SLC36A1: variants seen among roughly 807,000 people sequenced by gnomAD.
The protein encoded by SLC36A1 is proton-coupled amino acid transporter 1.
Under a neutral mutation model 47.5 loss-of-function variants are expected in SLC36A1, and 30 were observed. That is an observed-to-expected ratio of 0.63 (90% confidence interval 0.47 to 0.86). The LOEUF is 0.86. SLC36A1 is among the 40% of genes least tolerant of loss of function. The probability of loss-of-function intolerance (pLI) is 0.00; values close to 1 mark genes in which losing one functional copy is unlikely to be tolerated. For synonymous variants in SLC36A1, 255 were observed against 249.7 expected (o/e 1.02, Z -0.20); for missense variants, 517 against 606.0 (o/e 0.85, Z 1.54).
chr5:151,488,263 G>T lies in SLC36A1; in HGVS notation c.*9G>T. The T allele has an allele frequency of 5.0e-6, 8 of 1,612,888 alleles. No homozygotes were observed. Among genetic ancestry groups the T allele is most frequent in the Non-Finnish European group, 6.8e-6 (8 of 1,179,206 alleles). ...CCTGTGCCTTCATATAGGGATCTGG[G>T]TTCGTCTCTGCAGCTGCCTACCCCT... On this transcript the variant is annotated 3_prime_UTR_variant, in exon 11 of 11. Coordinates refer to ENST00000243389, the MANE Select transcript of SLC36A1 (RefSeq NM_078483.4).
At chr5:151,512,781 AT>A in the SLC36A1 span, 1 of 629,406 alleles carries the variant, frequency 1.6e-6, no homozygotes, top group Non-Finnish European at 2.8e-6. The surrounding 1 kb of genome is among the most constrained non-coding windows in gnomAD (Gnocchi z 4.1). Flanking sequence ...TTTTGTGTTG[AT>A]GGTCTCCTTT....
chr5:151,474,178 A>AAAAAAAAAAAAAAAAAAGAGAG (rs776318482), intron 8 of SLC36A1, among the ~76,000 whole-genome samples: 1 of 119,008 alleles, frequency 8.4e-6, no homozygotes, highest in African/African-American at 4.5e-5. Context: ...AAAAAAAAAA[A>AAAAAAAAAAAAAAAAAAGAGAG]AGAAATTATC....
chr5:151,517,611 G>A, the SLC36A1 span: 1 of 1,613,794 alleles, frequency 6.2e-7, no homozygotes, highest in Non-Finnish European at 8.5e-7. Flanking sequence ...CAGGCTGGCA[G>A]TGCCTTACCT....
At chr5:151,510,237 T>C in the SLC36A1 span, 1 of 1,566,286 alleles carries the variant, frequency 6.4e-7, no homozygotes, top group South Asian at 1.1e-5. Flanking sequence ...AGACCTGGCA[T>C]TGGCAGACTG....
chr5:151,480,465 G>C (rs551188146), intron 10 of SLC36A1, among the ~76,000 whole-genome samples: 5 of 152,248 alleles, frequency 3.3e-5, no homozygotes, highest in African/African-American at 9.6e-5. Context: ...TGAAAGATGG[G>C]AAAGTTGTCT....
chr5:151,457,492 T>C (rs1468392979), intron 1 of SLC36A1, among the ~76,000 whole-genome samples: 1 of 152,084 alleles, frequency 6.6e-6, no homozygotes. Context: ...TCCCAACACA[T>C]TGAAAGGACA....
At chr5:151,512,505 G>T in the SLC36A1 span, 1 of 1,614,176 alleles carries the variant, frequency 6.2e-7, no homozygotes, top group South Asian at 1.1e-5. The surrounding 1 kb of genome is among the most constrained non-coding windows in gnomAD (Gnocchi z 4.1). Context: ...CCTCCACCAG[G>T]ATGGAGTGCC....
chr5:151,539,035 C>A, the SLC36A1 span, among the ~76,000 whole-genome samples: 1 of 151,954 alleles, frequency 6.6e-6, no homozygotes, highest in Admixed American at 6.6e-5. Context: ...ATGCTGTGAA[C>A]CATCTCCGGG....
At chr5:151,517,207 TA>T in the SLC36A1 span, among the ~76,000 whole-genome samples, 2 of 152,044 alleles carry the variant, frequency 1.3e-5, no homozygotes, top group Admixed American at 6.5e-5. Context: ...ATAATCCAAA[TA>T]ACTGAATGAT....
the SLC36A1 span, chr5:151,412,398 C>T: frequency 1.4e-5 from 2 of 144,392 alleles, 1 homozygote; most frequent in South Asian, 5.2e-4. Flanking sequence ...GGAAAATATA[C>T]AACAACCTGA....
At chr5:151,554,486 C>A in the SLC36A1 span, 16 of 1,614,212 alleles carry the variant, frequency 9.9e-6, no homozygotes, top group Non-Finnish European at 1.4e-5. Flanking sequence ...GCCATTAAGA[C>A]CCTCATCCAG....
chr5:151,426,745 G>A, the SLC36A1 span, among the ~76,000 whole-genome samples: 1 of 152,146 alleles, frequency 6.6e-6, no homozygotes, highest in Non-Finnish European at 1.5e-5. Context: ...GGGATGGTCA[G>A]GTCTTTCCCT....
At chr5:151,449,573 CAG>C (rs1163380073) in intron 1 of SLC36A1, among the ~76,000 whole-genome samples, 1 of 152,132 alleles carries the variant, frequency 6.6e-6, no homozygotes, top group African/African-American at 2.4e-5. Context: ...TCGAAGTGCT[CAG>C]AGTTTTCTCT....
At chr5:151,364,311 T>TA in the SLC36A1 span, among the ~76,000 whole-genome samples, 2 of 152,244 alleles carry the variant, frequency 1.3e-5, no homozygotes, top group African/African-American at 4.8e-5. Context: ...ATATTTATTT[T>TA]AAAAAATCCA....
intron 10 of SLC36A1, among the ~76,000 whole-genome samples, chr5:151,483,295 C>T (rs1442322117): frequency 6.6e-6 from 1 of 152,166 alleles, no homozygotes; most frequent in East Asian, 1.9e-4. Flanking sequence ...CCTTATGTTG[C>T]TTCAGCAGTT....
chr5:151,374,086 G>A, the SLC36A1 span, among the ~76,000 whole-genome samples: 66 of 152,284 alleles, frequency 4.3e-4, no homozygotes, highest in African/African-American at 1.4e-3. Context: ...CACCAGCAGC[G>A]TGCGTCAGCA....
the SLC36A1 span, among the ~76,000 whole-genome samples, chr5:151,410,042 C>T: frequency 4.6e-5 from 7 of 152,176 alleles, no homozygotes; most frequent in South Asian, 2.1e-4. Context: ...CAATAGGTTT[C>T]GGAGATAGGT....
chr5:151,495,920 A>G (rs1331575309), downstream of SLC36A1, among the ~76,000 whole-genome samples: 1 of 152,176 alleles, frequency 6.6e-6, no homozygotes, highest in Non-Finnish European at 1.5e-5. Context: ...CAGTCACTGA[A>G]AGAAATGTGC....
intron 1 of SLC36A1, among the ~76,000 whole-genome samples, chr5:151,451,192 T>C (rs935900244): frequency 3.3e-5 from 5 of 151,836 alleles, no homozygotes; most frequent in African/African-American, 1.2e-4. Context: ...GGCCAGTTCT[T>C]TTTTTACTTA....
Sources: gnomAD v4.1 joint callset for allele counts (sites outside exome capture counted in the v4.1 genomes callset) on GRCh38, gnomAD v4.1.1 for gene constraint, Gnocchi (gnomAD v3.1) non-coding constraint, MANE v1.5 for transcripts, NCBI Gene and HGNC (gene_info 2026-07-23, HGNC 2026-07-21) for gene names.